The following SRL variants were observed in gnomAD, a reference collection of about 807,000 sequenced individuals.
SRL encodes sarcalumenin.
SRL carries 23 observed loss-of-function variants against 39.5 expected under a neutral mutation model. That is an observed-to-expected ratio of 0.58 (90% CI 0.42 to 0.82). SRL has a LOEUF of 0.82. Among genes scored for constraint, SRL ranks in the 40% least tolerant of loss-of-function variants. SRL has a pLI of 0.00. For missense variants in SRL, 592 were observed against 607.8 expected, an observed-to-expected ratio of 0.97 and a Z score of 0.27; for synonymous variants, 272 against 237.4, an observed-to-expected ratio of 1.15 and a Z score of -1.34.
intron 1 of SRL, among the ~76,000 whole-genome samples, chr16:4,234,649 C>T (rs766340157): frequency 6.6e-6 from 1 of 152,238 alleles, no homozygotes; most frequent in African/African-American, 2.4e-5. Context: ...TGCTAAACTG[C>T]ACCCACCCCT....
At chr16:4,227,074 G>GGATC (rs2052600588) in intron 1 of SRL, among the ~76,000 whole-genome samples, 6 of 115,970 alleles carry the variant, frequency 5.2e-5, no homozygotes, top group Admixed American at 5.1e-4. Context: ...ATGGATGGAT[G>GGATC]ATGGATGGAT....
intron 3 of SRL, 142 bp downstream of exon 3, chr16:4,203,024 A>T: frequency 1.4e-6 from 1 of 728,680 alleles, no homozygotes; most frequent in Non-Finnish European, 2.3e-6. Context: ...ACCCAGACCC[A>T]CAAGTCCTTG....
intron 1 of SRL, chr16:4,208,120 A>G: frequency 2.3e-6 from 1 of 429,374 alleles, no homozygotes; most frequent in Non-Finnish European, 4.7e-6. Flanking sequence ...TGATTAGAAC[A>G]TGATTGGTCA....
intron 1 of SRL, among the ~76,000 whole-genome samples, chr16:4,219,374 A>G (rs538466398): frequency 1.3e-5 from 2 of 152,250 alleles, no homozygotes; most frequent in East Asian, 1.9e-4. Flanking sequence ...CTGTCCCCCT[A>G]TTGTTCCTAC....
At chr16:4,223,846 C>T (rs184981702) in intron 1 of SRL, among the ~76,000 whole-genome samples, 8 of 152,306 alleles carry the variant, frequency 5.3e-5, no homozygotes, top group African/African-American at 1.4e-4. Context: ...TGTGAGGCTG[C>T]ACCAGTCCTG....
intron 3 of SRL, among the ~76,000 whole-genome samples, chr16:4,198,841 T>C (rs934427236): frequency 2.5e-4 from 38 of 152,246 alleles, no homozygotes; most frequent in Admixed American, 3.3e-4. Flanking sequence ...TCTTGGGTCC[T>C]GCATCCAATG....
At chr16:4,203,295 C>G (rs115258624) in intron 2 of SRL, 34 bp from the exon 3 acceptor site, 4 of 1,585,308 alleles carry the variant, frequency 2.5e-6, no homozygotes, top group Admixed American at 1.7e-5. Flanking sequence ...AAGAGCATCA[C>G]GCAGGTGCGA....
chr16:4,213,816 C>G (rs917260625), intron 1 of SRL, among the ~76,000 whole-genome samples: 1 of 152,186 alleles, frequency 6.6e-6, no homozygotes, highest in African/African-American at 2.4e-5. Flanking sequence ...TTATTCTTCT[C>G]TGATGCTCCT....
intron 1 of SRL, chr16:4,206,659 A>G: frequency 2.2e-6 from 1 of 456,510 alleles, no homozygotes; most frequent in Admixed American, 2.3e-5. Context: ...TGTCCCCTAC[A>G]CACAAGACTT....
rs371196453 is a variant in SRL at position 4,207,466 on chromosome 16, C to T, written c.62-2832G>A. ...GCTCCCTCTGGCACTGCAGGCTCCT[C>T]GCCAGGCCCAGGGCTGCCCTCGGCC... On this transcript the variant is annotated intron_variant, in intron 1 of 5. Transcript: ENST00000399609. 2.2e-5 allele frequency: 10 copies of T among 456,844 alleles called. No homozygotes were observed. In the East Asian group the frequency reaches 2.8e-4, roughly 13 times the overall value. The allele number at this position is 456,844 out of a possible 1,614,324, so 28.3% of individuals were successfully genotyped here. A position where few individuals can be genotyped will look rare whatever the true frequency, so the allele number is the denominator to read the frequency against.
intron 1 of SRL, among the ~76,000 whole-genome samples, chr16:4,239,960 T>C (rs2052755198): frequency 6.6e-6 from 1 of 152,070 alleles, no homozygotes; most frequent in Non-Finnish European, 1.5e-5. Context: ...ACCTGGCTGC[T>C]CCTTCCCCGT....
At chr16:4,214,279 C>A (rs939510797) in intron 1 of SRL, among the ~76,000 whole-genome samples, 1 of 152,246 alleles carries the variant, frequency 6.6e-6, no homozygotes. Flanking sequence ...ATGTTTATAA[C>A]AAGTACCTGC....
At chr16:4,207,697 C>G in intron 1 of SRL, 1 of 416,700 alleles carries the variant, frequency 2.4e-6, no homozygotes, top group Non-Finnish European at 4.8e-6. Flanking sequence ...CCAGTCTCCT[C>G]CTCTCCTTGT....
Position 4,189,866 on chromosome 16 carries a change from G to A in SRL, c.*2287C>T. On this transcript the variant is annotated 3_prime_UTR_variant, in exon 6 of 6. Coordinates refer to ENST00000399609, the MANE Select transcript of SRL (RefSeq NM_001098814.2). ...CCTGACTACACAGAAAAACAGATCT[G>A]CCAAAGCAGCTCACAGCATGGAGGA... The A allele has an allele frequency of 6.0e-6, 1 of 165,656 alleles. No individual in the cohort carries two copies. Among genetic ancestry groups the A allele is most frequent in the African/African-American group, 2.4e-5 (1 of 42,080 alleles). The allele number at this position is 165,656 out of a possible 1,614,324, so 10.3% of individuals were successfully genotyped here. A position where few individuals can be genotyped will look rare whatever the true frequency, so the allele number is the denominator to read the frequency against.
chr16:4,227,673 G>C (rs1467523223), intron 1 of SRL, among the ~76,000 whole-genome samples: 2 of 152,154 alleles, frequency 1.3e-5, no homozygotes, highest in Non-Finnish European at 2.9e-5. Context: ...AGAGACAGGA[G>C]AGGACCCAGA....
In SRL at chr16:4,192,055, C is replaced by T; in HGVS notation, c.*98G>A. 1 of 1,323,770 alleles carries T rather than the reference C, an allele frequency of 7.6e-7. No individual in the cohort carries two copies. Among genetic ancestry groups the T allele is most frequent in the African/African-American group, 1.5e-5 (1 of 67,942 alleles). 82.0% of individuals were successfully genotyped at this position (1,323,770 alleles called of 1,614,324 possible). On this transcript the variant is annotated 3_prime_UTR_variant, in exon 6 of 6. Coordinates refer to ENST00000399609, the MANE Select transcript of SRL (RefSeq NM_001098814.2). The surrounding 1 kb of genome is among the most constrained non-coding windows in gnomAD (Gnocchi z 4.0). ...CCCAACTCTCCACTGTGTAATAATT[C>T]CTGCCAGTGTGGCTCAAAGGGTTAA...
At chr16:4,204,702 C>G (rs1051339571) in intron 1 of SRL, 68 bp from the exon 2 acceptor site, 20 of 1,417,832 alleles carry the variant, frequency 1.4e-5, no homozygotes, top group South Asian at 1.2e-5. Context: ...GGCCCCGGCA[C>G]AGCAGACGAG....
intron 1 of SRL, among the ~76,000 whole-genome samples, chr16:4,221,972 C>A (rs2052535848): frequency 6.6e-6 from 1 of 152,190 alleles, no homozygotes; most frequent in Non-Finnish European, 1.5e-5. Context: ...CCAGCATGAC[C>A]TCATCTTAAC....
At chr16:4,210,752 G>T (rs1228292514) in intron 1 of SRL, among the ~76,000 whole-genome samples, 1 of 151,966 alleles carries the variant, frequency 6.6e-6, no homozygotes, top group Non-Finnish European at 1.5e-5. Flanking sequence ...CAAAGTGCTG[G>T]GATTACAGGC....
Sources: gnomAD v4.1 joint callset for allele counts (sites outside exome capture counted in the v4.1 genomes callset) on GRCh38, gnomAD v4.1.1 for gene constraint, Gnocchi (gnomAD v3.1) non-coding constraint, MANE v1.5 for transcripts, NCBI Gene and HGNC (gene_info 2026-07-23, HGNC 2026-07-21) for gene names.